The following TENT4B variants were observed in gnomAD, a reference collection of about 807,000 sequenced individuals.
TENT4B encodes terminal nucleotidyltransferase 4B.
A neutral mutation model predicts 75.0 loss-of-function variants in TENT4B; 10 were observed. The observed-to-expected ratio is 0.13, with a 90% CI of 0.08 to 0.23. The LOEUF is 0.23. Among genes scored for constraint, TENT4B ranks in the 10% least tolerant of loss-of-function variants. The pLI is 1.00. For missense variants in TENT4B, 579 were observed against 893.8 expected (o/e 0.65, Z 4.49); for synonymous variants, 350 against 357.7 (o/e 0.98, Z 0.24).
rs2037808074 is a variant in TENT4B at position 50,153,319 on chromosome 16, G to A, written c.-303G>A. On this transcript the variant is annotated 5_prime_UTR_variant, in exon 1 of 12. Coordinates refer to ENST00000561678, the MANE Select transcript of TENT4B (RefSeq NM_001365324.3). The stretch of plus-strand genomic sequence containing the variant: ...CCGCCGCTCGCTCTTCTGTGGAGCC[G>A]CCGCCGCCGCCGCCGCCATTTGCAC... Among the ~76,000 whole-genome samples, 1 of 142,324 alleles carries A rather than the reference G, an allele frequency of 7.0e-6. No individual in the cohort carries two copies. Among genetic ancestry groups the A allele is most frequent in the East Asian group, 2.2e-4 (1 of 4,612 alleles). 93.4% of individuals were successfully genotyped at this position (142,324 alleles called of 152,430 possible). A position where few individuals can be genotyped will look rare whatever the true frequency, so the allele number is the denominator to read the frequency against.
At chr16:50,215,292 A>G (rs762016421) in intron 3 of TENT4B, among the ~76,000 whole-genome samples, 3 of 152,190 alleles carry the variant, frequency 2.0e-5, no homozygotes, top group South Asian at 4.1e-4. Flanking sequence ...TTGATTTGGT[A>G]TACTTTACCC....
intron 1 of TENT4B, among the ~76,000 whole-genome samples, chr16:50,178,896 T>C (rs558799450): frequency 3.3e-5 from 5 of 152,204 alleles, no homozygotes; most frequent in Admixed American, 1.3e-4. Flanking sequence ...GTGGTGAGGA[T>C]TGCACAACAG....
chr16:50,206,935 TGTGA>T (rs2031011657), intron 1 of TENT4B, among the ~76,000 whole-genome samples: 1 of 151,134 alleles, frequency 6.6e-6, no homozygotes, highest in Admixed American at 6.6e-5. Context: ...CTAAATTACC[TGTGA>T]GTTTTATTTT....
Position 50,231,816 on chromosome 16 carries a change from C to T in TENT4B, c.*2488C>T. On this transcript the variant is annotated 3_prime_UTR_variant, in exon 12 of 12. Coordinates refer to ENST00000561678, the MANE Select transcript of TENT4B (RefSeq NM_001365324.3). ...TCATTTTTCAATCTGAAGTAAAATACTTTCAAGAACTTTTAGTTTGCCTGC... is the reference window on the plus strand; with the variant it reads ...TCATTTTTCAATCTGAAGTAAAATATTTTCAAGAACTTTTAGTTTGCCTGC... 1 of 985,172 alleles carries T rather than the reference C, an allele frequency of 1.0e-6. No homozygotes were observed. Among genetic ancestry groups the T allele is most frequent in the Middle Eastern group, 5.2e-4 (1 of 1,910 alleles). 61.0% of individuals were successfully genotyped at this position (985,172 alleles called of 1,614,324 possible).
chr16:50,232,639 G>A lies in TENT4B; in HGVS notation c.*3311G>A, dbSNP rs369779796. The A allele has an allele frequency of 1.2e-5, 12 of 985,190 alleles. No homozygotes were observed. In the South Asian group the frequency reaches 1.9e-4, roughly 15 times the overall value. 61.0% of individuals were successfully genotyped at this position (985,190 alleles called of 1,614,324 possible). On this transcript the variant is annotated 3_prime_UTR_variant, in exon 12 of 12. Transcript: ENST00000561678. ...AGAAAAGAGTAATGACCACCGTGACGTGCAGGATTCTCTTGCTGTGACATG... is the reference window on the plus strand; with the variant it reads ...AGAAAAGAGTAATGACCACCGTGACATGCAGGATTCTCTTGCTGTGACATG...
At chr16:50,218,951 GTTTCTA>G (rs908293529) in intron 5 of TENT4B, among the ~76,000 whole-genome samples, 6 of 151,770 alleles carry the variant, frequency 4.0e-5, no homozygotes, top group African/African-American at 1.5e-4. Context: ...CAGCTCTAAA[GTTTCTA>G]TTTCTTCTTT....
At chr16:50,172,583 A>ATG (rs2038227741) in intron 1 of TENT4B, among the ~76,000 whole-genome samples, 1 of 150,566 alleles carries the variant, frequency 6.6e-6, no homozygotes, top group African/African-American at 2.4e-5. Flanking sequence ...TATCTCCCTC[A>ATG]CATTTCCCCA....
chr16:50,153,607 G>GGCC lies in TENT4B; in HGVS notation c.-7_-5dup, dbSNP rs1597209680. 1.0e-6 allele frequency: 1 copy of GGCC among 1,002,130 alleles called. No homozygotes were observed. Among genetic ancestry groups the GGCC allele is most frequent in the East Asian group, 1.1e-4 (1 of 9,406 alleles). The allele number at this position is 1,002,130 out of a possible 1,614,324, so 62.1% of individuals were successfully genotyped here. Reference sequence around the variant, plus strand: ...GGCGGCCGGGAGGGGCGGGGGCAGCGGCCGCCGCCGTTTGATGGATCCGAG... The same window carrying GGCC: ...GGCGGCCGGGAGGGGCGGGGGCAGCGGCCGCCGCCGCCGTTTGATGGATCCGAG... On this transcript the variant is annotated 5_prime_UTR_variant, in exon 1 of 12. Transcript: ENST00000561678.
intron 1 of TENT4B, among the ~76,000 whole-genome samples, chr16:50,188,449 A>G (rs2038577607): frequency 6.6e-6 from 1 of 152,208 alleles, no homozygotes; most frequent in Non-Finnish European, 1.5e-5. Flanking sequence ...GGTAAACACA[A>G]CAGCACACGT....
intron 7 of TENT4B, among the ~76,000 whole-genome samples, chr16:50,224,256 G>A (rs1299886182): frequency 6.6e-6 from 1 of 152,172 alleles, no homozygotes. Flanking sequence ...TCAGCAAGAC[G>A]ATCCTTGCTT....
At chr16:50,164,200 A>T (rs780783545) in intron 1 of TENT4B, among the ~76,000 whole-genome samples, 1 of 152,004 alleles carries the variant, frequency 6.6e-6, no homozygotes, top group Non-Finnish European at 1.5e-5. Context: ...AAGAAATGGG[A>T]TCTCACCATT....
intron 1 of TENT4B, among the ~76,000 whole-genome samples, chr16:50,194,744 ATTTTTTTTT>A (rs34176224): frequency 1.4e-5 from 1 of 69,412 alleles, no homozygotes. Context: ...TGCTTGGCTA[ATTTTTTTTT>A]TTTTTTTTTT....
In TENT4B at chr16:50,225,104, G is replaced by A. The variant is rs780097712; in HGVS notation, c.1619G>A (p.Gly540Asp). 8.7e-6 allele frequency: 14 copies of A among 1,611,830 alleles called. No individual in the cohort carries two copies. The highest frequency in any genetic ancestry group is 1.1e-5 in the Non-Finnish European group (13 of 1,178,586). Residue 540 changes from glycine to aspartate, a missense_variant, in exon 10 of 12, where the codon GGT (glycine) becomes GAT (aspartate). This residue lies in a region of TENT4B where 164 missense variants were observed against 226.5 expected (regional missense o/e 0.72). Coordinates refer to ENST00000561678, the MANE Select transcript of TENT4B (RefSeq NM_001365324.3). ...TCTTTTGCCACTCTTTCAGGAAATGGTGTTACCTTGATAGTAGATACTCAG... is the reference window on the plus strand; with the variant it reads ...TCTTTTGCCACTCTTTCAGGAAATGATGTTACCTTGATAGTAGATACTCAG... ...NRPEPSCNGN[G>D]VTLIVDTQQL...
intron 1 of TENT4B, among the ~76,000 whole-genome samples, chr16:50,155,645 A>G (rs937185659): frequency 6.6e-6 from 1 of 152,168 alleles, no homozygotes; most frequent in African/African-American, 2.4e-5. Context: ...CTGCCCTCAC[A>G]TTCCAGAAAG....
intron 1 of TENT4B, among the ~76,000 whole-genome samples, chr16:50,194,515 A>G (rs954250883): frequency 1.3e-5 from 2 of 150,032 alleles, no homozygotes; most frequent in African/African-American, 4.9e-5. Flanking sequence ...ATGCCTGGCC[A>G]TTATTTCTTT....
chr16:50,198,512 A>T (rs2150719067), intron 1 of TENT4B, among the ~76,000 whole-genome samples: 1 of 152,238 alleles, frequency 6.6e-6, no homozygotes, highest in East Asian at 1.9e-4. Context: ...TTTAGAGCAA[A>T]GCCAGAAAAG....
At chr16:50,163,483 T>C (rs1363811001) in intron 1 of TENT4B, among the ~76,000 whole-genome samples, 1 of 149,236 alleles carries the variant, frequency 6.7e-6, no homozygotes, top group Non-Finnish European at 1.5e-5. Flanking sequence ...CACTGCAAGC[T>C]CTGCCTCCTG....
intron 1 of TENT4B, among the ~76,000 whole-genome samples, chr16:50,195,069 T>G (rs1194706600): frequency 1.3e-5 from 2 of 152,078 alleles, no homozygotes; most frequent in African/African-American, 4.8e-5. Flanking sequence ...TTAAATTTTT[T>G]TTTGTAGACT....
At chr16:50,192,427 T>A (rs941241851) in intron 1 of TENT4B, among the ~76,000 whole-genome samples, 1 of 152,166 alleles carries the variant, frequency 6.6e-6, no homozygotes, top group South Asian at 2.1e-4. Context: ...AAAATTTTTT[T>A]TAAAATTATT....
Sources: gnomAD v4.1 joint callset for allele counts (sites outside exome capture counted in the v4.1 genomes callset) on GRCh38, gnomAD v4.1.1 for gene constraint, gnomAD v4.1.1 regional missense constraint, MANE v1.5 for transcripts, NCBI Gene and HGNC (gene_info 2026-07-23, HGNC 2026-07-21) for gene names.